The following TANC2 variants were observed in gnomAD, a reference collection of about 807,000 sequenced individuals.
TANC2 encodes protein TANC2.
In TANC2, 26 loss-of-function variants were observed where a neutral mutation model predicts 210.5. The ratio of observed to expected loss-of-function variants is 0.12; its 90% confidence interval spans 0.09 to 0.17. TANC2 has a LOEUF of 0.17. Among genes scored for constraint, TANC2 ranks in the 10% least tolerant of loss-of-function variants. TANC2 has a pLI of 1.00. For synonymous variants in TANC2, 931 were observed against 967.1 expected, an observed-to-expected ratio of 0.96 and a Z score of 0.69; for missense variants, 2,129 against 2,608.9, an observed-to-expected ratio of 0.82 and a Z score of 4.01.
intron 11 of TANC2, among the ~76,000 whole-genome samples, chr17:63,324,352 G>A (rs1158911493): frequency 1.3e-5 from 2 of 152,182 alleles, no homozygotes; most frequent in Non-Finnish European, 2.9e-5. Context: ...ACCAGGGGGT[G>A]TCAAATGATC....
At chr17:63,234,966 G>A (rs1220750466) in intron 7 of TANC2, among the ~76,000 whole-genome samples, 1 of 152,060 alleles carries the variant, frequency 6.6e-6, no homozygotes, top group Non-Finnish European at 1.5e-5. Flanking sequence ...AAGGTGATAA[G>A]TATGAATTTA....
At chr17:63,210,761 T>A (rs1449665310) in intron 7 of TANC2, among the ~76,000 whole-genome samples, 2 of 152,196 alleles carry the variant, frequency 1.3e-5, no homozygotes, top group Non-Finnish European at 2.9e-5. Context: ...CTTAAAATAA[T>A]CAGGGCACTG....
In TANC2 at chr17:63,046,325, C is replaced by CTTTTTTTTT. The variant is rs57550590; in HGVS notation, c.68-27602_68-27594dup. ...CAGGTGCGTGCCACCACACCCAGCT[C>CTTTTTTTTT]TTTTTTTTTTTTTTTTTTTTTTTTG... On this transcript the variant is annotated intron_variant, in intron 2 of 27. Transcript: ENST00000689528. Among the ~76,000 whole-genome samples, 12 of 44,142 alleles carry CTTTTTTTTT rather than the reference C, an allele frequency of 2.7e-4. 4 individuals carry two copies. The highest frequency in any genetic ancestry group is 9.4e-4 in the African/African-American group (8 of 8,536). 29.0% of individuals were successfully genotyped at this position (44,142 alleles called of 152,430 possible). A position where few individuals can be genotyped will look rare whatever the true frequency, so the allele number is the denominator to read the frequency against.
chr17:63,401,673 C>T (rs2048348534), intron 19 of TANC2, among the ~76,000 whole-genome samples: 1 of 152,158 alleles, frequency 6.6e-6, no homozygotes, highest in African/African-American at 2.4e-5. Flanking sequence ...CCCCTCCCAT[C>T]CCGTAGAGTT....
intron 22 of TANC2, 90 bp downstream of exon 22, chr17:63,411,776 G>A: frequency 6.1e-6 from 9 of 1,474,094 alleles, no homozygotes; most frequent in Non-Finnish European, 6.4e-6. Context: ...GTGATGTATT[G>A]ATGATTCCTG....
At chr17:62,996,994 T>TTTTTTTTTTTTTTTTTTTTTTTTTTTTTG (rs2033144497) in intron 1 of TANC2, among the ~76,000 whole-genome samples, 2 of 143,658 alleles carry the variant, frequency 1.4e-5, no homozygotes, top group African/African-American at 5.4e-5. Flanking sequence ...TTTGTATTTT[T>TTTTTTTTTTTTTTTTTTTTTTTTTTTTTG]AGTATAGATG....
chr17:63,085,967 A>G (rs911933492), intron 3 of TANC2, among the ~76,000 whole-genome samples: 5 of 151,936 alleles, frequency 3.3e-5, no homozygotes, highest in Admixed American at 1.3e-4. Flanking sequence ...TTTGTTTGGG[A>G]AAGTCTTTAT....
intron 5 of TANC2, among the ~76,000 whole-genome samples, chr17:63,185,175 T>C (rs1041850246): frequency 6.6e-6 from 1 of 151,916 alleles, no homozygotes; most frequent in African/African-American, 2.4e-5. Context: ...TTTAAAAAAA[T>C]GTTTTTTTGG....
chr17:63,357,814 A>G (rs538892122), intron 14 of TANC2, among the ~76,000 whole-genome samples: 1 of 152,366 alleles, frequency 6.6e-6, no homozygotes, highest in East Asian at 1.9e-4. Flanking sequence ...GACTCTCTCC[A>G]GGCATGGTTT....
At chr17:63,339,961 TGAG>T in intron 11 of TANC2, 137 bp from the exon 12 acceptor site, 1 of 646,550 alleles carries the variant, frequency 1.5e-6, no homozygotes, top group Non-Finnish European at 2.6e-6. Context: ...TTGGAAAAGT[TGAG>T]GAATGAAGAG....
chr17:62,996,645 T>C (rs2143651025), intron 1 of TANC2, among the ~76,000 whole-genome samples: 1 of 152,282 alleles, frequency 6.6e-6, no homozygotes, highest in Non-Finnish European at 1.5e-5. Flanking sequence ...AAGAACACTA[T>C]TGCATTTGTC....
chr17:63,140,294 T>C (rs2039241627), intron 4 of TANC2, among the ~76,000 whole-genome samples: 2 of 152,244 alleles, frequency 1.3e-5, no homozygotes, highest in South Asian at 4.1e-4. Flanking sequence ...GCAATTTCAT[T>C]AGTCAGAATA....
At chr17:62,997,613 G>C (rs2033179309) in intron 1 of TANC2, among the ~76,000 whole-genome samples, 1 of 152,050 alleles carries the variant, frequency 6.6e-6, no homozygotes, top group Admixed American at 6.6e-5. Flanking sequence ...TTCATCATTT[G>C]GATCAGTTTG....
At chr17:63,212,179 T>A (rs2041907698) in intron 7 of TANC2, among the ~76,000 whole-genome samples, 1 of 152,190 alleles carries the variant, frequency 6.6e-6, no homozygotes, top group African/African-American at 2.4e-5. Flanking sequence ...TGGCATTTTT[T>A]AAATTCATTT....
At chr17:63,115,265 C>G (rs187959128) in intron 4 of TANC2, among the ~76,000 whole-genome samples, 15 of 152,242 alleles carry the variant, frequency 9.9e-5, no homozygotes, top group African/African-American at 3.6e-4. Flanking sequence ...ATTTCCAAGT[C>G]AAACATAATA....
chr17:63,049,739 G>T (rs960313720), intron 2 of TANC2, among the ~76,000 whole-genome samples: 1 of 152,190 alleles, frequency 6.6e-6, no homozygotes, highest in Non-Finnish European at 1.5e-5. Flanking sequence ...TCTGGTTGCA[G>T]TATTGAGAAT....
At chr17:63,049,591 T>C (rs1366828275) in intron 2 of TANC2, among the ~76,000 whole-genome samples, 4 of 152,100 alleles carry the variant, frequency 2.6e-5, no homozygotes, top group African/African-American at 9.7e-5. Context: ...TGGTAGGAGA[T>C]GAGGTCAGAG....
At chr17:63,342,484 A>T (rs1166872703) in intron 12 of TANC2, among the ~76,000 whole-genome samples, 1 of 141,232 alleles carries the variant, frequency 7.1e-6, no homozygotes, top group Middle Eastern at 3.7e-3. Flanking sequence ...CAGTGATACA[A>T]GGATCTACAC....
Position 63,421,665 on chromosome 17 carries a change from T to C in TANC2, c.5935T>C (p.Ser1979Pro). Residue 1979 changes from serine to proline, a missense_variant, in exon 28 of 28, where the codon TCA becomes CCA. Coordinates refer to ENST00000689528, the Ensembl canonical transcript of TANC2. This position sits in a 1 kb window ranked among gnomAD's most constrained non-coding sequence, Gnocchi z 6.9. ...TCAGCCTGAGTCCTTCAGTCCACCA[T>C]CATCCATCAGCAACATTGCCTTTTA... 3.1e-6 allele frequency: 5 copies of C among 1,614,030 alleles called. No individual in the cohort carries two copies. The highest frequency in any genetic ancestry group is 4.2e-6 in the Non-Finnish European group (5 of 1,179,872).
Sources: allele counts gnomAD v4.1 joint callset (sites outside exome capture counted in the v4.1 genomes callset), GRCh38; gene constraint gnomAD v4.1.1; non-coding constraint Gnocchi (gnomAD v3.1); transcripts MANE v1.5; gene names NCBI Gene and HGNC (gene_info 2026-07-23, HGNC 2026-07-21).